The following DGKB variants were observed in gnomAD, a reference collection of about 807,000 sequenced individuals.
The protein encoded by DGKB is 90 kDa diacylglycerol kinase.
In DGKB, 67 loss-of-function variants were observed where a neutral mutation model predicts 114.3. The ratio of observed to expected loss-of-function variants is 0.59; its 90% confidence interval spans 0.48 to 0.72. The LOEUF (loss-of-function observed/expected upper bound fraction) is 0.72, where lower values mean the gene tolerates loss of function less well. Among genes scored for constraint, DGKB ranks in the 30% least tolerant of loss-of-function variants. DGKB has a pLI of 0.00. For synonymous variants in DGKB, 398 were observed against 323.1 expected (o/e 1.23, Z -2.49); for missense variants, 907 against 975.2 (o/e 0.93, Z 0.93).
intron 4 of DGKB, among the ~76,000 whole-genome samples, chr7:14,741,006 C>T (rs936335137): frequency 6.6e-6 from 1 of 152,160 alleles, no homozygotes; most frequent in Non-Finnish European, 1.5e-5. Context: ...CATTCGTCTT[C>T]AGTCTGTGCA....
intron 1 of DGKB, among the ~76,000 whole-genome samples, chr7:14,859,106 A>C (rs971094392): frequency 6.6e-6 from 1 of 152,116 alleles, no homozygotes; most frequent in Non-Finnish European, 1.5e-5. Flanking sequence ...CCAGGAGCAA[A>C]AGAGAGAACA....
chr7:14,906,699 C>A (rs1562866281), upstream of DGKB, among the ~76,000 whole-genome samples: 2 of 152,114 alleles, frequency 1.3e-5, no homozygotes, highest in Non-Finnish European at 2.9e-5. Context: ...GATCCACCCA[C>A]GTTGGCCTCC....
intron 23 of DGKB, among the ~76,000 whole-genome samples, chr7:14,214,446 G>C (rs1370861568): frequency 1.3e-5 from 2 of 151,910 alleles, no homozygotes; most frequent in African/African-American, 2.4e-5. Context: ...ATCTGCTTTG[G>C]TTGTAAACTG....
intron 18 of DGKB, among the ~76,000 whole-genome samples, chr7:14,581,906 T>C (rs1035387284): frequency 6.6e-6 from 1 of 152,230 alleles, no homozygotes; most frequent in Non-Finnish European, 1.5e-5. Context: ...AGATAAAACA[T>C]ATAAATATGA....
At chr7:14,929,900 A>G (rs375790641) in intron 1 of DGKB, among the ~76,000 whole-genome samples, 1 of 152,238 alleles carries the variant, frequency 6.6e-6, no homozygotes, top group East Asian at 1.9e-4. Flanking sequence ...ATTTTTGTAT[A>G]TGTTGAGAGA....
In DGKB at chr7:14,238,679, C is replaced by T. The variant is rs147839741; in HGVS notation, c.2123-60528G>A. Among the ~76,000 whole-genome samples, 10 of 151,288 alleles carry T rather than the reference C, an allele frequency of 6.6e-5. 1 individual carries two copies. The highest frequency in any genetic ancestry group is 5.3e-4 in the Admixed American group (8 of 15,094). On this transcript the variant is annotated intron_variant, in intron 23 of 25. Transcript: ENST00000402815. ...CTTCTGTAGAGAGAAGAGAGGTGGACGTGAAGTTGAATCTAGGCAGGGTAG... is the reference window on the plus strand; with the variant it reads ...CTTCTGTAGAGAGAAGAGAGGTGGATGTGAAGTTGAATCTAGGCAGGGTAG...
chr7:14,843,048 A>T (rs1562692126), intron 1 of DGKB, among the ~76,000 whole-genome samples: 1 of 152,022 alleles, frequency 6.6e-6, no homozygotes, highest in South Asian at 2.1e-4. Flanking sequence ...TCTCTACAAA[A>T]AAAACATTAG....
At chr7:14,861,680 C>T (rs1335923274) in intron 1 of DGKB, among the ~76,000 whole-genome samples, 1 of 151,832 alleles carries the variant, frequency 6.6e-6, no homozygotes, top group Non-Finnish European at 1.5e-5. Flanking sequence ...CTATTATGGC[C>T]TGGCCTGTTT....
At chr7:14,682,426 A>C (rs1430095007) in intron 12 of DGKB, 127 bp downstream of exon 12, 1 of 669,154 alleles carries the variant, frequency 1.5e-6, no homozygotes, top group South Asian at 1.8e-5. Flanking sequence ...TGAAATGAGA[A>C]GTTTCCATGG....
chr7:14,947,795 C>G (rs569669030), intron 1 of DGKB, among the ~76,000 whole-genome samples: 1 of 151,650 alleles, frequency 6.6e-6, no homozygotes. Context: ...CAGAGCAACA[C>G]GTTCCATAAT....
chr7:14,611,308 G>C (rs1805500822), intron 16 of DGKB, among the ~76,000 whole-genome samples: 1 of 152,048 alleles, frequency 6.6e-6, no homozygotes, highest in African/African-American at 2.4e-5. Flanking sequence ...CTTATTCCCA[G>C]TCACTAGTAG....
intron 20 of DGKB, among the ~76,000 whole-genome samples, chr7:14,510,545 G>A (rs1261096307): frequency 6.6e-6 from 1 of 151,972 alleles, no homozygotes; most frequent in Non-Finnish European, 1.5e-5. Flanking sequence ...TTCCTCCACT[G>A]AAGTCTTGAG....
rs1811736191 is a variant in DGKB at position 14,641,261 on chromosome 7, GGA to G, written c.1135-10995_1135-10994del. 5.0e-4 allele frequency among the ~76,000 whole-genome samples: 7 copies of G among 13,968 alleles called. 1 individual carries two copies. Among genetic ancestry groups the G allele is most frequent in the Admixed American group, 2.1e-3 (2 of 944 alleles). 9.2% of individuals were successfully genotyped at this position (13,968 alleles called of 152,430 possible). The stretch of plus-strand genomic sequence containing the variant: ...TATAGGGATTTGGTTTACAATATAG[GGA>G]TTTGGTTTACAATATAGGGATTTGG... On this transcript the variant is annotated intron_variant, in intron 13 of 25. Transcript: ENST00000402815.
At chr7:14,641,148 G>A (rs1165768415) in intron 13 of DGKB, among the ~76,000 whole-genome samples, 1 of 151,920 alleles carries the variant, frequency 6.6e-6, no homozygotes, top group African/African-American at 2.4e-5. Context: ...CCAACACTGG[G>A]TATTATCATT....
chr7:14,303,898 T>C (rs1803983137), intron 23 of DGKB, among the ~76,000 whole-genome samples: 1 of 152,136 alleles, frequency 6.6e-6, no homozygotes, highest in Non-Finnish European at 1.5e-5. Context: ...GAAAAGTCTA[T>C]CAAGTATAGA....
upstream of DGKB, chr7:14,974,803 C>T (rs757506759): frequency 4.6e-5 from 7 of 152,082 alleles, no homozygotes; most frequent in Non-Finnish European, 8.8e-5. Context: ...CTGTGTGTTA[C>T]ATTTTATTCA....
intron 16 of DGKB, among the ~76,000 whole-genome samples, chr7:14,610,892 T>A (rs1467968386): frequency 6.6e-6 from 1 of 152,186 alleles, no homozygotes; most frequent in Non-Finnish European, 1.5e-5. Context: ...CTCTATACTG[T>A]TGTCTAAGTA....
chr7:14,693,395 T>C (rs1046941739), intron 9 of DGKB, among the ~76,000 whole-genome samples: 3 of 151,964 alleles, frequency 2.0e-5, no homozygotes, highest in Non-Finnish European at 4.4e-5. Flanking sequence ...TTCAAAGTCA[T>C]TATTATATTA....
intron 5 of DGKB, among the ~76,000 whole-genome samples, chr7:14,729,974 CTCTT>C (rs1053231228): frequency 1.3e-5 from 2 of 152,132 alleles, no homozygotes; most frequent in Non-Finnish European, 2.9e-5. Flanking sequence ...GGAAAATCTT[CTCTT>C]TCTTTCTTAT....
Sources: allele counts gnomAD v4.1 joint callset (sites outside exome capture counted in the v4.1 genomes callset), GRCh38; gene constraint gnomAD v4.1.1; transcripts MANE v1.5; gene names NCBI Gene and HGNC (gene_info 2026-07-23, HGNC 2026-07-21).